Variants in LMX1B observed in about 807,000 individuals in gnomAD.
The protein encoded by LMX1B is LIM homeobox transcription factor 1 beta.
In LMX1B, 12 loss-of-function variants were observed where a neutral mutation model predicts 51.4. That is an observed-to-expected ratio of 0.23 (90% CI 0.15 to 0.38). LMX1B has a LOEUF of 0.38. LMX1B is among the 10% of genes least tolerant of loss of function. LMX1B has a pLI of 1.00. For missense variants in LMX1B, 445 were observed against 571.1 expected, an observed-to-expected ratio of 0.78 and a Z score of 2.25; for synonymous variants, 237 against 235.4, an observed-to-expected ratio of 1.01 and a Z score of -0.06.
chr9:126,655,704 T>A (rs1230704448), intron 2 of LMX1B, among the ~76,000 whole-genome samples: 4 of 152,230 alleles, frequency 2.6e-5, no homozygotes, highest in Non-Finnish European at 4.4e-5. Context: ...ACAATGATAC[T>A]GTTTGTTTTG....
At position 126,695,397 on chromosome 9, in the gene LMX1B, G is replaced by A. The variant is rs1252599360; in HGVS notation, c.887-442G>A. 4.6e-5 allele frequency among the ~76,000 whole-genome samples: 7 copies of A among 152,260 alleles called. No individual in the cohort carries two copies. The East Asian group carries it at 7.7e-4, about 17-fold the overall frequency. The stretch of plus-strand genomic sequence containing the variant: ...GGTCTGTCTCCTCCATGCCTTTGCC[G>A]CCCCTCAGCCTGGCTTGCCTCCCCT... On this transcript the variant is annotated intron_variant, in intron 6 of 7. Coordinates refer to ENST00000373474, the MANE Select transcript of LMX1B (RefSeq NM_001174147.2). The surrounding 1 kb of genome is among the most constrained non-coding windows in gnomAD (Gnocchi z 5.2).
At chr9:126,633,651 C>A (rs1444611573) in intron 2 of LMX1B, among the ~76,000 whole-genome samples, 2 of 152,184 alleles carry the variant, frequency 1.3e-5, no homozygotes, top group Non-Finnish European at 2.9e-5. Context: ...GCCACGGAGT[C>A]CACCAGCACA....
Position 126,693,360 on chromosome 9 carries a change from C to T in LMX1B, c.741+37C>T, listed in dbSNP as rs368934890. 1.3e-5 allele frequency: 21 copies of T among 1,572,802 alleles called. No homozygotes were observed. In the African/African-American group the frequency reaches 2.6e-4, roughly 19 times the overall value. On this transcript the variant is annotated intron_variant, in intron 4 of 7. Transcript: ENST00000373474. ...CCGGGGGGCGGGGCTCAGGCTGATG[C>T]CCGCACACCCACTGCCTTTCTGGAG...
chr9:126,642,608 G>A (rs967391977), intron 2 of LMX1B, among the ~76,000 whole-genome samples: 1 of 152,226 alleles, frequency 6.6e-6, no homozygotes, highest in Admixed American at 6.5e-5. Flanking sequence ...TTGTCATGTG[G>A]CTTTGCCACC....
In LMX1B at chr9:126,618,197, A is replaced by C. The variant is rs1835339184; in HGVS notation, c.326+2628A>C. On this transcript the variant is annotated intron_variant, in intron 2 of 7. Coordinates refer to ENST00000373474, the MANE Select transcript of LMX1B (RefSeq NM_001174147.2). The surrounding 1 kb of genome is among the most constrained non-coding windows in gnomAD (Gnocchi z 4.5). ...GCGTCAGCGGTATTGAGAAATTAAC[A>C]ATCCCCCCACCAAACACAACTTCTG... Among the ~76,000 whole-genome samples the C allele has an allele frequency of 6.6e-6, 1 of 152,138 alleles. No individual in the cohort carries two copies. The highest frequency in any genetic ancestry group is 2.4e-5 in the African/African-American group (1 of 41,422).
chr9:126,686,269 G>T (rs1192015476), intron 2 of LMX1B, among the ~76,000 whole-genome samples: 1 of 122,462 alleles, frequency 8.2e-6, no homozygotes, highest in African/African-American at 3.2e-5. Flanking sequence ...AACAGAGTGA[G>T]ACTCCATCTC....
intron 2 of LMX1B, among the ~76,000 whole-genome samples, chr9:126,636,659 ACC>A (rs1223723935): frequency 6.6e-6 from 1 of 151,732 alleles, no homozygotes; most frequent in East Asian, 2.0e-4. Context: ...AAGTGTGTGC[ACC>A]CTAGTGCACA....
rs375738291 is a variant in LMX1B, at chr9:126,657,956, C to T, written c.327-32880C>T. ...GGGGTGCCTGCCTCACTTAGCAGCA[C>T]AGTCCAGGGTGGGCTAGCCGTCCAG... On this transcript the variant is annotated intron_variant, in intron 2 of 7. Transcript: ENST00000373474. 1.7e-4 allele frequency among the ~76,000 whole-genome samples: 26 copies of T among 152,260 alleles called. 1 individual carries two copies. In the South Asian group the frequency reaches 5.4e-3, roughly 32 times the overall value.
chr9:126,632,084 T>C (rs1423947033), intron 2 of LMX1B, among the ~76,000 whole-genome samples: 1 of 152,182 alleles, frequency 6.6e-6, no homozygotes, highest in Non-Finnish European at 1.5e-5. Context: ...CTTTGACAAA[T>C]TCCTTAGCTT....
At chr9:126,659,166 A>G (rs1836178942) in intron 2 of LMX1B, among the ~76,000 whole-genome samples, 1 of 152,216 alleles carries the variant, frequency 6.6e-6, no homozygotes, top group African/African-American at 2.4e-5. Context: ...ACAGGCCTGA[A>G]TGGGCCCCCT....
Position 126,696,833 on chromosome 9 carries a change from G to A in LMX1B, c.*382G>A. On this transcript the variant is annotated 3_prime_UTR_variant, in exon 8 of 8. Coordinates refer to ENST00000373474, the MANE Select transcript of LMX1B (RefSeq NM_001174147.2). Reference sequence around the variant, plus strand: ...CCATGGCCCTCCATGCAAGCCCCAGGACAATGGTGTCATGAGGCGGTGACC... The same window carrying A: ...CCATGGCCCTCCATGCAAGCCCCAGAACAATGGTGTCATGAGGCGGTGACC... The A allele has an allele frequency of 6.4e-6, 2 of 314,032 alleles. No individual in the cohort carries two copies. The highest frequency in any genetic ancestry group is 6.4e-5 in the South Asian group (2 of 31,092). The allele number at this position is 314,032 out of a possible 1,614,324, so 19.5% of individuals were successfully genotyped here.
rs960642448 is a variant in LMX1B, at chr9:126,673,696, C to T, written c.327-17140C>T. On this transcript the variant is annotated intron_variant, in intron 2 of 7. Coordinates refer to ENST00000373474, the MANE Select transcript of LMX1B (RefSeq NM_001174147.2). The surrounding 1 kb of genome is among the most constrained non-coding windows in gnomAD (Gnocchi z 4.4). ...AGGGGCCAGCACTGTGCTTCCTGGG[C>T]GCCTCACCTCCTCCCTGACTCCTGG... Among the ~76,000 whole-genome samples the T allele has an allele frequency of 1.5e-4, 23 of 152,082 alleles. No homozygotes were observed. The highest frequency in any genetic ancestry group is 5.1e-4 in the African/African-American group (21 of 41,398).
chr9:126,694,401 T>C (rs115228096), intron 6 of LMX1B, among the ~76,000 whole-genome samples: 2,377 of 152,302 alleles, frequency 0.016, 76 homozygotes, highest in African/African-American at 0.054. Context: ...GCCGGAATTC[T>C]GCAGACAAAG....
chr9:126,678,335 A>AAAAAAC (rs1836610241), intron 2 of LMX1B, among the ~76,000 whole-genome samples: 4 of 141,314 alleles, frequency 2.8e-5, no homozygotes, highest in African/African-American at 2.8e-5. Flanking sequence ...AAAACAAAAA[A>AAAAAAC]AAAAAACAAA....
intron 2 of LMX1B, among the ~76,000 whole-genome samples, chr9:126,660,238 G>T (rs989631876): frequency 9.3e-5 from 14 of 150,954 alleles, no homozygotes; most frequent in Admixed American, 5.9e-4. Context: ...CTTAGAGATT[G>T]TTCTGTGTGG....
At position 126,696,361 on chromosome 9, in the gene LMX1B, C is replaced by G. The variant is rs555304586; in HGVS notation, c.1119C>G (p.Leu373=). The G allele has an allele frequency of 2.2e-5, 36 of 1,613,982 alleles. No homozygotes were observed. The highest frequency in any genetic ancestry group is 3.1e-5 in the Non-Finnish European group (36 of 1,179,966). Residue 373 remains leucine, a synonymous_variant, in exon 8 of 8, where the codon CTC becomes CTG. Transcript: ENST00000373474. ...TAACCAGCCTCAGCGACTGCTTCCTCGGCTCCTCAGACGTGGGCTCCCTGC... is the reference window on the plus strand; with the variant it reads ...TAACCAGCCTCAGCGACTGCTTCCTGGGCTCCTCAGACGTGGGCTCCCTGC... ...TSLTSLSDCF[L]GSSDVGSLQA...
intron 2 of LMX1B, among the ~76,000 whole-genome samples, chr9:126,680,027 C>T (rs1489239634): frequency 6.6e-6 from 1 of 152,246 alleles, no homozygotes; most frequent in Non-Finnish European, 1.5e-5. Flanking sequence ...CTGGCCTATT[C>T]TGGCCATGCA....
intron 2 of LMX1B, among the ~76,000 whole-genome samples, chr9:126,617,596 C>T (rs1835327784): frequency 6.6e-6 from 1 of 151,994 alleles, no homozygotes; most frequent in Non-Finnish European, 1.5e-5. Flanking sequence ...CTCACCCCCT[C>T]ATCTTACAAA....
chr9:126,626,913 A>G lies in LMX1B; in HGVS notation c.326+11344A>G, dbSNP rs765897886. Among the ~76,000 whole-genome samples the G allele has an allele frequency of 5.9e-5, 9 of 152,194 alleles. No homozygotes were observed. Among genetic ancestry groups the G allele is most frequent in the Non-Finnish European group, 8.8e-5 (6 of 68,030 alleles). On this transcript the variant is annotated intron_variant, in intron 2 of 7. Transcript: ENST00000373474. This position sits in a 1 kb window ranked among gnomAD's most constrained non-coding sequence, Gnocchi z 4.3. The stretch of plus-strand genomic sequence containing the variant: ...GCCTAAGACAACGCAGATGGTTCCT[A>G]TCAGCCCGGCCGGGCCCGCAGCGTC...
Sources: allele counts gnomAD v4.1 joint callset (sites outside exome capture counted in the v4.1 genomes callset), GRCh38; gene constraint gnomAD v4.1.1; non-coding constraint Gnocchi (gnomAD v3.1); transcripts MANE v1.5; gene names NCBI Gene and HGNC (gene_info 2026-07-23, HGNC 2026-07-21).